The following MAP3K21 variants were observed in gnomAD, a reference collection of about 807,000 sequenced individuals.
MAP3K21 encodes the protein mitogen-activated protein kinase kinase kinase MLK4.
A neutral mutation model predicts 86.1 loss-of-function variants in MAP3K21; 63 were observed. That is an observed-to-expected ratio of 0.73 (90% CI 0.60 to 0.90). MAP3K21 has a LOEUF of 0.90. Among genes scored for constraint, MAP3K21 ranks in the 40% least tolerant of loss-of-function variants. MAP3K21 has a pLI of 0.00. For synonymous variants in MAP3K21, 558 were observed against 564.8 expected (o/e 0.99, Z 0.17); for missense variants, 1,220 against 1,367.7 (o/e 0.89, Z 1.70).
At chr1:233,360,002 AT>A (rs1663436915) in intron 4 of MAP3K21, among the ~76,000 whole-genome samples, 3 of 152,162 alleles carry the variant, frequency 2.0e-5, no homozygotes, top group Admixed American at 2.0e-4. Flanking sequence ...GGGATTCATG[AT>A]TTAGCTTGGG....
intron 5 of MAP3K21, among the ~76,000 whole-genome samples, chr1:233,366,041 C>T (rs1350011426): frequency 1.3e-5 from 2 of 152,134 alleles, no homozygotes; most frequent in Admixed American, 1.3e-4. Flanking sequence ...TCTTTTGTGG[C>T]AACGTGGATG....
intron 4 of MAP3K21, among the ~76,000 whole-genome samples, chr1:233,357,155 C>CA (rs1251504944): frequency 2.0e-5 from 3 of 152,016 alleles, no homozygotes; most frequent in Non-Finnish European, 2.9e-5. Context: ...ATTGCAAGGA[C>CA]AAAAAACCAA....
At position 233,328,881 on chromosome 1, in the gene MAP3K21, C is replaced by T. The variant is rs1402483431; in HGVS notation, c.805+48C>T. The T allele has an allele frequency of 7.7e-6, 11 of 1,428,860 alleles. No individual in the cohort carries two copies. The highest frequency in any genetic ancestry group is 9.2e-6 in the Non-Finnish European group (10 of 1,084,810). The allele number at this position is 1,428,860 out of a possible 1,614,324, so 88.5% of individuals were successfully genotyped here. On this transcript the variant is annotated intron_variant, in intron 1 of 9. Transcript: ENST00000366624. This position sits in a 1 kb window ranked among gnomAD's most constrained non-coding sequence, Gnocchi z 8.7. The stretch of plus-strand genomic sequence containing the variant: ...GGGGGAAGACTACCTCCGTGCCAGC[C>T]CAGGCGGGCTCCACAGGACATAGTA...
intron 8 of MAP3K21, among the ~76,000 whole-genome samples, chr1:233,376,979 C>T (rs1348315276): frequency 1.3e-5 from 2 of 152,078 alleles, no homozygotes; most frequent in African/African-American, 4.8e-5. Flanking sequence ...CTTGTAATCC[C>T]AGCTACTCAG....
chr1:233,350,840 T>C (rs2102765441), intron 2 of MAP3K21, among the ~76,000 whole-genome samples: 1 of 152,320 alleles, frequency 6.6e-6, no homozygotes, highest in South Asian at 2.1e-4. Flanking sequence ...GGAGAGCGTT[T>C]CATTATACTA....
chr1:233,346,463 A>C lies in MAP3K21; in HGVS notation c.827A>C (p.Glu276Ala). Residue 276 changes from glutamate (E) to alanine (A), a missense_variant, in exon 2 of 10, where the codon GAA (glutamate) becomes GCA (alanine). By Grantham distance (107) the Glu-to-Ala change is moderately radical. Transcript: ENST00000366624. ...TTAGTTTTGCTACTTGAGAAGATAG[A>C]ACATGATGACATCTGCAATAAAACT... is the stretch of plus-strand genomic sequence containing the variant. ...SSNILLLEKIEHDDICNKTLK... is the reference protein window; with the variant it reads ...SSNILLLEKIAHDDICNKTLK... 6.2e-7 allele frequency: 1 copy of C among 1,611,072 alleles called. No homozygotes were observed. Among genetic ancestry groups the C allele is most frequent in the Non-Finnish European group, 8.5e-7 (1 of 1,178,278 alleles).
Position 233,383,784 on chromosome 1 carries a change from T to A in MAP3K21, c.*1073T>A, listed in dbSNP as rs1572261584. On this transcript the variant is annotated 3_prime_UTR_variant, in exon 10 of 10. Transcript: ENST00000366624. ...TTAAGTATGTTGTTGTTATTTCACA[T>A]TTCATTTAATTGTGGATAAATGTTA... The A allele has an allele frequency of 1.3e-5, 2 of 152,336 alleles. No homozygotes were observed. The highest frequency in any genetic ancestry group is 1.3e-4 in the Admixed American group (2 of 15,310). 9.4% of individuals were successfully genotyped at this position (152,336 alleles called of 1,614,324 possible).
At chr1:233,382,263 AT>A in intron 9 of MAP3K21, 41 bp from the exon 10 acceptor site, 1 of 1,526,526 alleles carries the variant, frequency 6.6e-7, no homozygotes, top group Admixed American at 1.9e-5. Context: ...TTTAGAACTC[AT>A]TTTCTTTCTA....
chr1:233,365,248 CAGG>C (rs1558460065), intron 5 of MAP3K21, among the ~76,000 whole-genome samples: 7 of 152,062 alleles, frequency 4.6e-5, no homozygotes, highest in African/African-American at 1.7e-4. Flanking sequence ...TTCAAAAGCT[CAGG>C]CAACAAAAAA....
intron 2 of MAP3K21, among the ~76,000 whole-genome samples, chr1:233,351,136 TAA>T (rs1458204651): frequency 5.9e-5 from 9 of 152,250 alleles, no homozygotes; most frequent in Admixed American, 1.3e-4. Context: ...ATCTATGAGT[TAA>T]GTTTACTTAT....
At chr1:233,376,111 A>G (rs771729620) in intron 7 of MAP3K21, 45 bp downstream of exon 7, 2 of 1,510,714 alleles carry the variant, frequency 1.3e-6, no homozygotes, top group Admixed American at 2.3e-5. Flanking sequence ...AATATGACAA[A>G]TCCATTCCTG....
intron 1 of MAP3K21, among the ~76,000 whole-genome samples, chr1:233,342,066 T>C (rs1054101115): frequency 2.0e-5 from 3 of 152,328 alleles, no homozygotes; most frequent in Non-Finnish European, 2.9e-5. Flanking sequence ...GTTTAAAGGA[T>C]TGGGGATCTA....
At chr1:233,343,562 G>T (rs1296725573) in intron 1 of MAP3K21, among the ~76,000 whole-genome samples, 2 of 152,218 alleles carry the variant, frequency 1.3e-5, no homozygotes, top group African/African-American at 4.8e-5. Flanking sequence ...ATGGGCACCT[G>T]AGTAGAGAGA....
At chr1:233,367,254 T>C (rs1663595313) in intron 5 of MAP3K21, among the ~76,000 whole-genome samples, 2 of 152,204 alleles carry the variant, frequency 1.3e-5, no homozygotes, top group South Asian at 4.1e-4. Flanking sequence ...GGAGAGAGCA[T>C]ATAACCTCAC....
intron 8 of MAP3K21, among the ~76,000 whole-genome samples, chr1:233,378,507 GTTTATACA>G (rs1663841040): frequency 6.6e-6 from 1 of 152,222 alleles, no homozygotes; most frequent in Non-Finnish European, 1.5e-5. Flanking sequence ...AGAACAGTTA[GTTTATACA>G]CAGGAAAGCT....
chr1:233,335,557 T>G (rs888199806), intron 1 of MAP3K21, among the ~76,000 whole-genome samples: 1 of 152,068 alleles, frequency 6.6e-6, no homozygotes, highest in Admixed American at 6.6e-5. Context: ...AACTCAATGA[T>G]TAACTGACTT....
chr1:233,370,249 G>T (rs1399189163), intron 5 of MAP3K21, among the ~76,000 whole-genome samples: 1 of 152,208 alleles, frequency 6.6e-6, no homozygotes, highest in Admixed American at 6.5e-5. Flanking sequence ...TTTCATAGCA[G>T]TCCTGTGAAA....
intron 4 of MAP3K21, among the ~76,000 whole-genome samples, chr1:233,360,938 C>A (rs1458031341): frequency 6.6e-6 from 1 of 152,210 alleles, no homozygotes; most frequent in Non-Finnish European, 1.5e-5. Flanking sequence ...GAGAAGGCAT[C>A]TGCAGTTTCC....
intron 1 of MAP3K21, among the ~76,000 whole-genome samples, chr1:233,329,744 G>A (rs1393449700): frequency 1.3e-5 from 2 of 152,130 alleles, no homozygotes; most frequent in East Asian, 3.9e-4. Context: ...GGTGTGCACC[G>A]TAATGCACTT....
Sources: allele counts gnomAD v4.1 joint callset (sites outside exome capture counted in the v4.1 genomes callset), GRCh38; gene constraint gnomAD v4.1.1; non-coding constraint Gnocchi (gnomAD v3.1); transcripts MANE v1.5; gene names NCBI Gene and HGNC (gene_info 2026-07-23, HGNC 2026-07-21).